Variants in SH3PXD2A observed in about 807,000 individuals in gnomAD.
SH3PXD2A encodes SH3 and PX domains 2A.
SH3PXD2A carries 32 observed loss-of-function variants against 115.2 expected under a neutral mutation model. The observed-to-expected ratio is 0.28, with a 90% confidence interval of 0.21 to 0.37. The LOEUF is 0.37. SH3PXD2A is among the 10% of genes least tolerant of loss of function. The pLI is 1.00. For synonymous variants in SH3PXD2A, 610 were observed against 629.1 expected (o/e 0.97, Z 0.45); for missense variants, 1,328 against 1,498.7 (o/e 0.89, Z 1.88).
In SH3PXD2A at chr10:103,780,472, T is replaced by C. The variant is rs2038921605; in HGVS notation, c.154-13303A>G. On this transcript the variant is annotated intron_variant, in intron 2 of 14. Coordinates refer to ENST00000369774, the MANE Select transcript of SH3PXD2A (RefSeq NM_001394015.1). ...TTCAGCTCCTCCCTGTAGCCTTGCC[T>C]GGTTAATATGGAGCCCTGGGGCTGT... is the stretch of plus-strand genomic sequence containing the variant. Among the ~76,000 whole-genome samples, 3 of 152,204 alleles carry C rather than the reference T, an allele frequency of 2.0e-5. No individual in the cohort carries two copies. In the South Asian group the frequency reaches 6.2e-4, roughly 32 times the overall value.
chr10:103,652,273 G>A (rs2037137821), intron 8 of SH3PXD2A, among the ~76,000 whole-genome samples: 1 of 152,240 alleles, frequency 6.6e-6, no homozygotes, highest in South Asian at 2.1e-4. Flanking sequence ...GCTTCCGTCA[G>A]TTTCCTGGGA....
At chr10:103,703,342 C>T (rs1323428870) in intron 5 of SH3PXD2A, among the ~76,000 whole-genome samples, 2 of 152,206 alleles carry the variant, frequency 1.3e-5, no homozygotes, top group African/African-American at 2.4e-5. Flanking sequence ...GAGGCAGCTG[C>T]GTTAGCCCCA....
chr10:103,813,625 C>A (rs1353988028), intron 1 of SH3PXD2A, among the ~76,000 whole-genome samples: 2 of 152,180 alleles, frequency 1.3e-5, no homozygotes, highest in Non-Finnish European at 2.9e-5. Flanking sequence ...GCCAACATTT[C>A]TATATTATTT....
Position 103,660,980 on chromosome 10 carries a change from C to G in SH3PXD2A, c.604+3G>C, listed in dbSNP as rs780635096. On this transcript the variant is annotated splice_donor_region_variant and intron_variant, in intron 8 of 14. Coordinates refer to ENST00000369774, the MANE Select transcript of SH3PXD2A (RefSeq NM_001394015.1). ...GTGGACGGCCATTGGCCAGGGCACT[C>G]ACCGCTCTCGTTCTTCTCGATGACA... is the stretch of plus-strand genomic sequence containing the variant. 6.2e-7 allele frequency: 1 copy of G among 1,613,832 alleles called. No individual in the cohort carries two copies.
rs781202540 is a variant in SH3PXD2A at position 103,627,210 on chromosome 10, G to T, written c.605-8C>A. 15 of 1,535,802 alleles carry T rather than the reference G, an allele frequency of 9.8e-6. No homozygotes were observed. In the East Asian group the frequency reaches 2.2e-4, roughly 23 times the overall value. ...TGCTCACGAACCACCAGCCTGCAGG[G>T]AGGACAAGAGAGAACAGGACTGTGA... On this transcript the variant is annotated splice_region_variant and splice_polypyrimidine_tract_variant and intron_variant, in intron 8 of 14. Coordinates refer to ENST00000369774, the MANE Select transcript of SH3PXD2A (RefSeq NM_001394015.1). The surrounding 1 kb of genome is among the most constrained non-coding windows in gnomAD (Gnocchi z 4.4).
intron 1 of SH3PXD2A, among the ~76,000 whole-genome samples, chr10:103,808,969 A>G (rs992378423): frequency 6.6e-6 from 1 of 152,234 alleles, no homozygotes; most frequent in African/African-American, 2.4e-5. Context: ...CATTCCCAGA[A>G]GCAAATCCCT....
At chr10:103,835,409 C>T (rs2039527478) in intron 1 of SH3PXD2A, among the ~76,000 whole-genome samples, 1 of 152,222 alleles carries the variant, frequency 6.6e-6, no homozygotes, top group South Asian at 2.1e-4. Context: ...CTGGGAAGGT[C>T]TGTTTCTCTG....
chr10:103,825,840 C>T (rs991650768), intron 1 of SH3PXD2A, among the ~76,000 whole-genome samples: 16 of 151,056 alleles, frequency 1.1e-4, no homozygotes, highest in East Asian at 1.9e-4. Flanking sequence ...CTCAGCTCAC[C>T]GCAAGCTCCA....
intron 6 of SH3PXD2A, among the ~76,000 whole-genome samples, chr10:103,672,487 A>T (rs776166583): frequency 2.0e-5 from 3 of 152,264 alleles, no homozygotes; most frequent in Non-Finnish European, 2.9e-5. Flanking sequence ...CTTCCTGGGA[A>T]AACCACTTGA....
chr10:103,768,055 G>T (rs768815593), intron 2 of SH3PXD2A, among the ~76,000 whole-genome samples: 1 of 152,190 alleles, frequency 6.6e-6, no homozygotes, highest in South Asian at 2.1e-4. Context: ...AGAAGGATCA[G>T]TCACATGATC....
intron 13 of SH3PXD2A, among the ~76,000 whole-genome samples, chr10:103,606,731 G>A (rs1330163545): frequency 2.0e-5 from 3 of 152,250 alleles, no homozygotes; most frequent in South Asian, 4.1e-4. Context: ...TCCTAACCGC[G>A]AGTGATCCGC....
rs200544855 is a variant in SH3PXD2A, at chr10:103,759,319, G to A, written c.229+7775C>T. On this transcript the variant is annotated intron_variant, in intron 3 of 14. Transcript: ENST00000369774. ...AAAAATATACCTCTAAGCTCATAAGGTCACAAGGCTGTCTGCAGGCTGGCA... is the reference window on the plus strand; with the variant it reads ...AAAAATATACCTCTAAGCTCATAAGATCACAAGGCTGTCTGCAGGCTGGCA... Among the ~76,000 whole-genome samples, 6 of 152,264 alleles carry A rather than the reference G, an allele frequency of 3.9e-5. No homozygotes were observed. In the East Asian group the frequency reaches 1.2e-3, roughly 29 times the overall value.
At chr10:103,716,017 A>C (rs1297630568) in intron 5 of SH3PXD2A, among the ~76,000 whole-genome samples, 2 of 152,142 alleles carry the variant, frequency 1.3e-5, no homozygotes, top group Non-Finnish European at 2.9e-5. Context: ...CCATCCCCAA[A>C]ATATAAATGG....
At chr10:103,702,067 T>G (rs533486471) in intron 5 of SH3PXD2A, among the ~76,000 whole-genome samples, 1 of 148,124 alleles carries the variant, frequency 6.8e-6, no homozygotes, top group Non-Finnish European at 1.5e-5. Flanking sequence ...CCATCATCCA[T>G]CCATCTATCC....
At chr10:103,767,857 T>C (rs148248979) in intron 2 of SH3PXD2A, among the ~76,000 whole-genome samples, 1 of 149,150 alleles carries the variant, frequency 6.7e-6, no homozygotes, top group Non-Finnish European at 1.5e-5. Flanking sequence ...TGAAATTCTA[T>C]GTAAACTGGA....
intron 3 of SH3PXD2A, among the ~76,000 whole-genome samples, chr10:103,738,246 C>T (rs77744954): frequency 0.017 from 2,633 of 152,338 alleles, 32 homozygotes; most frequent in Middle Eastern, 0.027. Flanking sequence ...CTGGCGACGC[C>T]GCTGTTCCTT....
chr10:103,698,953 C>T (rs544381815), intron 5 of SH3PXD2A, among the ~76,000 whole-genome samples: 3 of 152,164 alleles, frequency 2.0e-5, no homozygotes, highest in Admixed American at 2.0e-4. Context: ...CAGTTGTGGA[C>T]TGGGCAGTGA....
chr10:103,628,790 AG>A (rs2036735735), intron 8 of SH3PXD2A, among the ~76,000 whole-genome samples: 1 of 152,206 alleles, frequency 6.6e-6, no homozygotes, highest in Non-Finnish European at 1.5e-5. Context: ...CATCAGAGTC[AG>A]GAAGAACTGG....
chr10:103,705,877 A>C (rs1325870131), intron 5 of SH3PXD2A, among the ~76,000 whole-genome samples: 2 of 152,068 alleles, frequency 1.3e-5, no homozygotes, highest in Non-Finnish European at 2.9e-5. Flanking sequence ...TGCACCAGTA[A>C]TCCCAGCTAC....
Sources: gnomAD v4.1 joint callset for allele counts (sites outside exome capture counted in the v4.1 genomes callset) on GRCh38, gnomAD v4.1.1 for gene constraint, Gnocchi (gnomAD v3.1) non-coding constraint, MANE v1.5 for transcripts, NCBI Gene and HGNC (gene_info 2026-07-23, HGNC 2026-07-21) for gene names.